The following PCNX2 variants were observed in gnomAD, a reference collection of about 807,000 sequenced individuals.
The protein encoded by PCNX2 is pecanex-like protein 2.
PCNX2 carries 168 observed loss-of-function variants against 223.8 expected under a neutral mutation model. The observed-to-expected ratio is 0.75, with a 90% confidence interval of 0.66 to 0.85. The LOEUF (loss-of-function observed/expected upper bound fraction) is 0.85, where lower values mean the gene tolerates loss of function less well. PCNX2 is among the 40% of genes least tolerant of loss of function. The pLI is 0.00. For synonymous variants in PCNX2, 1,006 were observed against 1,052.6 expected (o/e 0.96, Z 0.86); for missense variants, 2,507 against 2,675.5 (o/e 0.94, Z 1.39).
chr1:233,086,532 G>T (rs1306999485), intron 23 of PCNX2, among the ~76,000 whole-genome samples: 1 of 151,984 alleles, frequency 6.6e-6, no homozygotes, highest in Middle Eastern at 3.4e-3. Context: ...TTAGTCAGGC[G>T]TGGTGGCGGG....
chr1:233,061,931 G>A (rs1490363064), intron 23 of PCNX2, among the ~76,000 whole-genome samples: 1 of 151,916 alleles, frequency 6.6e-6, no homozygotes, highest in Non-Finnish European at 1.5e-5. Flanking sequence ...GCTAATTTTT[G>A]TATTTTTAGT....
chr1:233,298,817 G>A (rs1662211209), upstream of PCNX2, among the ~76,000 whole-genome samples: 1 of 152,154 alleles, frequency 6.6e-6, no homozygotes. Flanking sequence ...GGGAGGCAGA[G>A]GTTGCAGTGA....
At chr1:233,084,557 G>C (rs1673507266) in intron 23 of PCNX2, among the ~76,000 whole-genome samples, 1 of 152,116 alleles carries the variant, frequency 6.6e-6, no homozygotes, top group South Asian at 2.1e-4. Context: ...ATTTTATAGA[G>C]GGTTTCTGAC....
chr1:233,197,435 T>C (rs1680801196), intron 15 of PCNX2, among the ~76,000 whole-genome samples: 2 of 152,108 alleles, frequency 1.3e-5, no homozygotes, highest in Non-Finnish European at 2.9e-5. Context: ...CCAAGTACTT[T>C]TCCTAAATGA....
chr1:233,128,858 G>A (rs1676257460), intron 21 of PCNX2, among the ~76,000 whole-genome samples: 1 of 152,250 alleles, frequency 6.6e-6, no homozygotes, highest in Admixed American at 6.5e-5. Flanking sequence ...AGGGATCGAG[G>A]AAATGAAGGA....
intron 32 of PCNX2, among the ~76,000 whole-genome samples, chr1:232,987,238 A>C (rs915922380): frequency 6.6e-6 from 1 of 152,170 alleles, no homozygotes; most frequent in Non-Finnish European, 1.5e-5. Flanking sequence ...AGACAAGGCC[A>C]TTTTTGACAA....
At chr1:233,115,378 G>T (rs77147690) in intron 21 of PCNX2, among the ~76,000 whole-genome samples, 1 of 152,066 alleles carries the variant, frequency 6.6e-6, no homozygotes, top group Non-Finnish European at 1.5e-5. Context: ...AACCGTTTCC[G>T]AAGAGAAGCT....
At chr1:233,034,717 C>A (rs1671391607) in intron 25 of PCNX2, among the ~76,000 whole-genome samples, 2 of 152,090 alleles carry the variant, frequency 1.3e-5, no homozygotes, top group Admixed American at 1.3e-4. Flanking sequence ...GGTCCAGCAA[C>A]CAAAAATCAA....
chr1:233,069,204 A>T (rs533063659), intron 23 of PCNX2, among the ~76,000 whole-genome samples: 2 of 152,296 alleles, frequency 1.3e-5, no homozygotes, highest in South Asian at 4.1e-4. Context: ...CAACTGAAAC[A>T]TACGTGAACC....
At chr1:233,099,685 G>C (rs577734179) in intron 21 of PCNX2, among the ~76,000 whole-genome samples, 1 of 152,280 alleles carries the variant, frequency 6.6e-6, no homozygotes, top group East Asian at 1.9e-4. Context: ...TAAAATGAGT[G>C]TGTATCAAAA....
At chr1:233,306,109 T>C in the PCNX2 span, among the ~76,000 whole-genome samples, 3 of 152,334 alleles carry the variant, frequency 2.0e-5, no homozygotes, top group Admixed American at 6.5e-5. Flanking sequence ...TATTATTTAT[T>C]TGTACTAATA....
chr1:233,193,865 C>A, intron 15 of PCNX2, among the ~76,000 whole-genome samples: 1 of 151,246 alleles, frequency 6.6e-6, no homozygotes, highest in Admixed American at 6.6e-5. Context: ...AACTAAAACC[C>A]AAAGAAGGAA....
intron 23 of PCNX2, among the ~76,000 whole-genome samples, chr1:233,075,043 A>C (rs1392431082): frequency 6.6e-6 from 1 of 152,240 alleles, no homozygotes; most frequent in Non-Finnish European, 1.5e-5. Flanking sequence ...GAAAACTAAA[A>C]AAAATACTAC....
chr1:233,198,482 T>G (rs1377903812), intron 15 of PCNX2, among the ~76,000 whole-genome samples: 1 of 152,240 alleles, frequency 6.6e-6, no homozygotes, highest in African/African-American at 2.4e-5. Flanking sequence ...GTTTGCATTT[T>G]CCCCTTCTGG....
In PCNX2 at chr1:233,220,914, A is replaced by G. The variant is rs141676656; in HGVS notation, c.2505-2730T>C. ...ATAGCTATAGAGATGATTGATTGATAGATACGTATACAGATTTCACAGATT... is the reference window on the plus strand; with the variant it reads ...ATAGCTATAGAGATGATTGATTGATGGATACGTATACAGATTTCACAGATT... On this transcript the variant is annotated intron_variant, in intron 10 of 33. Coordinates refer to ENST00000258229, the MANE Select transcript of PCNX2 (RefSeq NM_014801.4). Among the ~76,000 whole-genome samples, 514 of 152,338 alleles carry G rather than the reference A, an allele frequency of 3.4e-3. 3 individuals carry two copies. Among genetic ancestry groups the G allele is most frequent in the African/African-American group, 0.012 (500 of 41,580 alleles).
intron 23 of PCNX2, among the ~76,000 whole-genome samples, chr1:233,067,365 C>CAAAAAAAAAAAAAAAAAAAAAA (rs750823791): frequency 2.6e-4 from 1 of 3,890 alleles, no homozygotes; most frequent in Non-Finnish European, 5.9e-4. Flanking sequence ...AGAGCTTCAG[C>CAAAAAAAAAAAAAAAAAAAAAA]AAAAAAAAAA....
intron 23 of PCNX2, among the ~76,000 whole-genome samples, chr1:233,075,572 C>G (rs561414714): frequency 9.5e-4 from 144 of 152,154 alleles, no homozygotes; most frequent in African/African-American, 3.2e-3. Flanking sequence ...TTGAATGTAT[C>G]AACATCAATA....
intron 12 of PCNX2, among the ~76,000 whole-genome samples, chr1:233,216,181 G>A (rs1176481643): frequency 6.6e-5 from 10 of 152,248 alleles, no homozygotes; most frequent in Non-Finnish European, 1.2e-4. Context: ...CGGTGAACTC[G>A]GTACAGAGGC....
At chr1:233,285,413 C>T (rs1661400165) in intron 1 of PCNX2, among the ~76,000 whole-genome samples, 1 of 152,136 alleles carries the variant, frequency 6.6e-6, no homozygotes, top group Middle Eastern at 3.2e-3. Context: ...CAGTGGCTCA[C>T]ACCTGTTATC....
Sources: gnomAD v4.1 joint callset for allele counts (sites outside exome capture counted in the v4.1 genomes callset) on GRCh38, gnomAD v4.1.1 for gene constraint, MANE v1.5 for transcripts, NCBI Gene and HGNC (gene_info 2026-07-23, HGNC 2026-07-21) for gene names.